CACNA2D1: variants seen among roughly 807,000 people sequenced by gnomAD.
CACNA2D1 encodes the protein calcium voltage-gated channel auxiliary subunit alpha2delta 1, also known as voltage-dependent calcium channel subunit alpha-2/delta-1.
A neutral mutation model predicts 171.5 loss-of-function variants in CACNA2D1; 53 were observed. That is an observed-to-expected ratio of 0.31 (90% CI 0.25 to 0.39). The LOEUF is 0.39. Among genes scored for constraint, CACNA2D1 ranks in the 10% least tolerant of loss-of-function variants. The pLI, the probability that CACNA2D1 is intolerant of heterozygous loss-of-function variation, is 1.00. For synonymous variants in CACNA2D1, 442 were observed against 443.1 expected (o/e 1.00, Z 0.03); for missense variants, 903 against 1,299.8 (o/e 0.69, Z 4.69).
rs60221780 is a variant in CACNA2D1 at position 82,287,262 on chromosome 7, C to CTT, written c.294+47871_294+47872dup. On this transcript the variant is annotated intron_variant, in intron 3 of 38. Transcript: ENST00000356860. ...AGACTTTTGGCTTCTTCTTTTCTTTCTTTTTTTTTTTAATACACTAGAGTC... is the reference window on the plus strand; with the variant it reads ...AGACTTTTGGCTTCTTCTTTTCTTTCTTTTTTTTTTTTTAATACACTAGAGTC... Among the ~76,000 whole-genome samples, 891 of 147,326 alleles carry CTT rather than the reference C, an allele frequency of 6.0e-3. 5 individuals are homozygous for CTT. Among genetic ancestry groups the CTT allele is most frequent in the African/African-American group, 0.013 (538 of 40,146 alleles).
chr7:82,122,083 G>C (rs1789805472), intron 5 of CACNA2D1, among the ~76,000 whole-genome samples: 1 of 152,112 alleles, frequency 6.6e-6, no homozygotes, highest in Admixed American at 6.6e-5. Flanking sequence ...TAAAAGAGAA[G>C]AAACAGTCTG....
chr7:82,262,260 C>T lies in CACNA2D1; in HGVS notation c.294+72875G>A, dbSNP rs139855248. ...GCAGGAGAATGGCGTGAACCCAGGACGTGGAGCTTGCGGTGAGCCGAGATG... is the reference window on the plus strand; with the variant it reads ...GCAGGAGAATGGCGTGAACCCAGGATGTGGAGCTTGCGGTGAGCCGAGATG... On this transcript the variant is annotated intron_variant, in intron 3 of 38. Transcript: ENST00000356860. Among the ~76,000 whole-genome samples, 1,255 of 152,192 alleles carry T rather than the reference C, an allele frequency of 8.2e-3. 26 individuals are homozygous for T. Among genetic ancestry groups the T allele is most frequent in the African/African-American group, 0.029 (1,188 of 41,532 alleles).
intron 1 of CACNA2D1, among the ~76,000 whole-genome samples, chr7:82,419,047 TTGCAGTGAGCCGAGCTCGCGC>T (rs1828457251): frequency 6.6e-6 from 1 of 151,684 alleles, no homozygotes; most frequent in Admixed American, 6.6e-5. Flanking sequence ...GAGGCGGAGC[TTGCAGTGAGCCGAGCTCGCGC>T]CACTGCACTC....
At chr7:82,267,394 T>C (rs78805326) in intron 3 of CACNA2D1, among the ~76,000 whole-genome samples, 3,560 of 152,266 alleles carry the variant, frequency 0.023, 108 homozygotes, top group East Asian at 0.1. Context: ...AGTTCATAAG[T>C]GTCACAATTA....
chr7:82,135,193 T>C (rs115653911), intron 5 of CACNA2D1, among the ~76,000 whole-genome samples: 3,656 of 152,158 alleles, frequency 0.024, 135 homozygotes, highest in African/African-American at 0.082. Flanking sequence ...TTGTCATCGC[T>C]TTACAAATTA....
chr7:82,420,927 G>C (rs1483625761), intron 1 of CACNA2D1, among the ~76,000 whole-genome samples: 1 of 151,708 alleles, frequency 6.6e-6, no homozygotes, highest in Non-Finnish European at 1.5e-5. Context: ...ACTTCTTCAA[G>C]TCCATATCCT....
intron 24 of CACNA2D1, among the ~76,000 whole-genome samples, chr7:81,978,758 T>TAC: frequency 7.2e-6 from 1 of 138,408 alleles, no homozygotes. Flanking sequence ...AAAGTGTATA[T>TAC]ATATATATAT....
intron 2 of CACNA2D1, among the ~76,000 whole-genome samples, chr7:82,346,405 T>C (rs1202345992): frequency 6.6e-6 from 1 of 152,188 alleles, no homozygotes; most frequent in African/African-American, 2.4e-5. Context: ...TCCATGAGAT[T>C]AAATAACTTG....
At chr7:81,986,232 G>C (rs1309308205) in intron 21 of CACNA2D1, among the ~76,000 whole-genome samples, 1 of 152,230 alleles carries the variant, frequency 6.6e-6, no homozygotes, top group African/African-American at 2.4e-5. Context: ...AGTAATACTT[G>C]TTTAATGTAA....
chr7:82,359,879 C>A (rs980199162), intron 1 of CACNA2D1, among the ~76,000 whole-genome samples: 2 of 152,134 alleles, frequency 1.3e-5, no homozygotes, highest in African/African-American at 4.8e-5. Context: ...CTATTGAGCA[C>A]CTATATGTCA....
chr7:82,029,114 A>G (rs1237307816), intron 12 of CACNA2D1: 1 of 151,762 alleles, frequency 6.6e-6, no homozygotes, highest in Admixed American at 6.6e-5. Context: ...AGAAATTGCC[A>G]TAGCCATCCA....
intron 3 of CACNA2D1, among the ~76,000 whole-genome samples, chr7:82,189,246 T>C (rs1028576171): frequency 1.3e-5 from 2 of 152,024 alleles, no homozygotes; most frequent in Non-Finnish European, 2.9e-5. Flanking sequence ...TGGGCTGTAG[T>C]ATTCCATTCT....
At chr7:82,424,442 C>T (rs1036716870) in intron 1 of CACNA2D1, among the ~76,000 whole-genome samples, 9 of 151,908 alleles carry the variant, frequency 5.9e-5, no homozygotes, top group Admixed American at 1.3e-4. Flanking sequence ...ATAACTGGGG[C>T]GTTAGAGGAC....
rs1379942443 is a variant in CACNA2D1, at chr7:81,964,328, C to T, written c.2606G>A (p.Ser869Asn). 1.2e-6 allele frequency: 2 copies of T among 1,611,960 alleles called. No individual in the cohort carries two copies. The highest frequency in any genetic ancestry group is 1.7e-6 in the Non-Finnish European group (2 of 1,178,852). Residue 869 changes from serine to asparagine, a missense_variant, in exon 33 of 39, where the codon AGC becomes AAC. Physicochemically the swap from Ser to Asn is conservative, Grantham distance 46. This residue lies in a region of CACNA2D1 where 623 missense variants were observed against 925.5 expected (regional missense o/e 0.67). Coordinates refer to ENST00000356860, the MANE Select transcript of CACNA2D1 (RefSeq NM_000722.4). Reference sequence around the variant, plus strand: ...TATATTAACCAGGTGTCTCATCAAGCTGGGATCAATCTCTCCAAAAAATCT... The same window carrying T: ...TATATTAACCAGGTGTCTCATCAAGTTGGGATCAATCTCTCCAAAAAATCT... ...IGRFFGEIDP[S>N]LMRHLVNISV...
intron 12 of CACNA2D1, among the ~76,000 whole-genome samples, chr7:82,032,557 G>T (rs1031904642): frequency 2.6e-5 from 4 of 151,210 alleles, no homozygotes; most frequent in Admixed American, 6.6e-5. Context: ...AATAAAATAG[G>T]ACCCATACAT....
chr7:82,026,861 C>T (rs1208412246), intron 12 of CACNA2D1, among the ~76,000 whole-genome samples: 1 of 151,664 alleles, frequency 6.6e-6, no homozygotes, highest in Non-Finnish European at 1.5e-5. Context: ...TACACAAATG[C>T]TGTTGTTTTA....
At chr7:82,087,496 ACTAG>A (rs1810614256) in intron 6 of CACNA2D1, among the ~76,000 whole-genome samples, 1 of 151,960 alleles carries the variant, frequency 6.6e-6, no homozygotes, top group Non-Finnish European at 1.5e-5. Context: ...AAATACCAAA[ACTAG>A]AAAGTAGGAT....
At chr7:82,025,776 T>A (rs553920265) in intron 12 of CACNA2D1, among the ~76,000 whole-genome samples, 1 of 151,870 alleles carries the variant, frequency 6.6e-6, no homozygotes, top group East Asian at 1.9e-4. Flanking sequence ...TTGGGTCAAA[T>A]GTTCTCTATC....
intron 18 of CACNA2D1, among the ~76,000 whole-genome samples, chr7:82,003,794 G>A (rs897833579): frequency 4.0e-5 from 6 of 150,210 alleles, no homozygotes; most frequent in Admixed American, 4.0e-4. Flanking sequence ...GCCCAGGCTG[G>A]AGTGCAATGG....
Sources: gnomAD v4.1 joint callset for allele counts (sites outside exome capture counted in the v4.1 genomes callset) on GRCh38, gnomAD v4.1.1 for gene constraint, gnomAD v4.1.1 regional missense constraint, MANE v1.5 for transcripts, NCBI Gene and HGNC (gene_info 2026-07-23, HGNC 2026-07-21) for gene names.